Variants in PASD1 observed in about 807,000 individuals in gnomAD.
PASD1 encodes the protein circadian clock protein PASD1.
PASD1 carries 13 observed loss-of-function variants against 58.8 expected under a neutral mutation model. The ratio of observed to expected loss-of-function variants is 0.22; its 90% CI spans 0.14 to 0.35. The LOEUF (loss-of-function observed/expected upper bound fraction) is 0.35. PASD1 is among the 10% of genes least tolerant of loss of function. PASD1 has a pLI of 1.00. For synonymous variants in PASD1, 236 were observed against 216.7 expected (o/e 1.09, Z -0.78); for missense variants, 734 against 568.3 (o/e 1.29, Z -2.96).
chrX:151,624,392 T>C (rs2013757053), intron 7 of PASD1, among the ~76,000 whole-genome samples: 1 of 111,592 alleles, frequency 9.0e-6, no homozygotes, highest in African/African-American at 3.3e-5. Flanking sequence ...GTTAATATTG[T>C]GTTGATGTTA....
In PASD1 at chrX:151,653,751, C is replaced by CTTCTTTCTTTCT. The variant is rs1246137820; in HGVS notation, c.717+5089_717+5100dup. On this transcript the variant is annotated intron_variant, in intron 9 of 15. Transcript: ENST00000370357. ...TTCTCTCTCTCTCTTTCTTTCCTTC[C>CTTCTTTCTTTCT]TTCTTTCTTTCTTTCTTTCTTTCTT... 7.7e-3 allele frequency among the ~76,000 whole-genome samples: 131 copies of CTTCTTTCTTTCT among 16,930 alleles called. 2 individuals are homozygous for CTTCTTTCTTTCT. Among genetic ancestry groups the CTTCTTTCTTTCT allele is most frequent in the Non-Finnish European group, 0.013 (72 of 5,665 alleles). 14.7% of individuals were successfully genotyped at this position (16,930 alleles called of 115,157 possible).
chrX:151,568,489 ATAT>A (rs2124217500), intron 1 of PASD1, among the ~76,000 whole-genome samples: 1 of 112,150 alleles, frequency 8.9e-6, no homozygotes, highest in East Asian at 2.8e-4. Flanking sequence ...AAGGCACACG[ATAT>A]TATTCAATCA....
chrX:151,600,489 A>G (rs1264545742), intron 1 of PASD1, among the ~76,000 whole-genome samples: 1 of 110,922 alleles, frequency 9.0e-6, no homozygotes, highest in Non-Finnish European at 1.9e-5. Flanking sequence ...TTGATTCAGT[A>G]TGGTGGTGTC....
chrX:151,599,426 C>G (rs376823313), intron 1 of PASD1, among the ~76,000 whole-genome samples: 3 of 109,333 alleles, frequency 2.7e-5, no homozygotes, highest in Non-Finnish European at 3.8e-5. Context: ...ACCTCCCGGA[C>G]GGGGCGGCTG....
chrX:151,657,010 T>C (rs919709430), intron 9 of PASD1, among the ~76,000 whole-genome samples: 1 of 111,861 alleles, frequency 8.9e-6, no homozygotes, highest in African/African-American at 3.3e-5. Flanking sequence ...TAAATAGCTC[T>C]TATTATTTTG....
At chrX:151,675,886 A>C (rs2124323744) in intron 15 of PASD1, 111 bp from the exon 16 acceptor site, 1 of 834,393 alleles carries the variant, frequency 1.2e-6, no homozygotes, top group African/African-American at 2.0e-5. Context: ...TGTTCCAAAG[A>C]AGTATTTCTC....
At chrX:151,651,612 G>T (rs746073879) in intron 9 of PASD1, among the ~76,000 whole-genome samples, 4 of 112,141 alleles carry the variant, frequency 3.6e-5, no homozygotes, top group Non-Finnish European at 5.6e-5. Flanking sequence ...ACCTACTATG[G>T]TAGGCATTTA....
chrX:151,634,249 A>G (rs1288195576), intron 8 of PASD1, among the ~76,000 whole-genome samples: 1 of 110,325 alleles, frequency 9.1e-6, no homozygotes, highest in Non-Finnish European at 1.9e-5. Flanking sequence ...ACTTCTCCCC[A>G]TCTTTTCTTC....
intron 8 of PASD1, among the ~76,000 whole-genome samples, chrX:151,645,092 A>G (rs2124293113): frequency 8.9e-6 from 1 of 111,754 alleles, no homozygotes; most frequent in Admixed American, 9.6e-5. Context: ...TTTACATTTC[A>G]GACAGGGCAT....
intron 10 of PASD1, among the ~76,000 whole-genome samples, chrX:151,660,112 T>C (rs891892772): frequency 8.9e-6 from 1 of 112,252 alleles, no homozygotes; most frequent in Non-Finnish European, 1.9e-5. Context: ...GCGTTTTATC[T>C]TTTTATACTC....
chrX:151,600,218 A>G (rs1447040538), intron 1 of PASD1, among the ~76,000 whole-genome samples: 1 of 110,033 alleles, frequency 9.1e-6, no homozygotes, highest in Admixed American at 9.6e-5. Flanking sequence ...GTGGCAGTAC[A>G]GTCCAGCCTT....
At chrX:151,614,972 G>C (rs1001923441) in intron 4 of PASD1, among the ~76,000 whole-genome samples, 1 of 111,784 alleles carries the variant, frequency 8.9e-6, no homozygotes, top group Non-Finnish European at 1.9e-5. Flanking sequence ...AAATAGTAGA[G>C]ATATTTATTG....
At chrX:151,612,552 T>C (rs189407092) in intron 4 of PASD1, among the ~76,000 whole-genome samples, 1,854 of 111,402 alleles carry the variant, frequency 0.017, 40 homozygotes, top group African/African-American at 0.057. Context: ...TTGATTTGCA[T>C]TTCTCTGATG....
At chrX:151,638,251 A>G (rs2013955240) in intron 8 of PASD1, among the ~76,000 whole-genome samples, 1 of 108,931 alleles carries the variant, frequency 9.2e-6, no homozygotes, top group South Asian at 4.1e-4. Context: ...AAATGAGAAC[A>G]CTTGAACACA....
chrX:151,571,729 T>A (rs757016927), intron 1 of PASD1, among the ~76,000 whole-genome samples: 1 of 112,283 alleles, frequency 8.9e-6, no homozygotes, highest in East Asian at 2.8e-4. Flanking sequence ...TACTTTTCCA[T>A]GATTCAGTTT....
intron 4 of PASD1, 128 bp from the exon 5 acceptor site, chrX:151,620,802 G>A (rs1043027717): frequency 5.0e-6 from 2 of 400,829 alleles, no homozygotes; most frequent in African/African-American, 2.6e-5. Flanking sequence ...GCTGAGGTGG[G>A]GCAGAGCATA....
chrX:151,568,535 A>G (rs1012774387), intron 1 of PASD1, among the ~76,000 whole-genome samples: 43 of 112,254 alleles, frequency 3.8e-4, no homozygotes, highest in African/African-American at 1.4e-3. Context: ...TTAAAGCATA[A>G]ATTCATGAAT....
At chrX:151,593,476 T>G (rs1253277385) in intron 1 of PASD1, among the ~76,000 whole-genome samples, 1 of 104,234 alleles carries the variant, frequency 9.6e-6, no homozygotes, top group Non-Finnish European at 2.0e-5. Context: ...TTCCCACCTG[T>G]GAGTGAGAAC....
At chrX:151,566,130 G>A (rs1051744790) in intron 1 of PASD1, among the ~76,000 whole-genome samples, 1 of 112,435 alleles carries the variant, frequency 8.9e-6, no homozygotes, top group Non-Finnish European at 1.9e-5. Context: ...TTAGAGGCAC[G>A]TTTTGAGCTA....
Sources: allele counts gnomAD v4.1 joint callset (sites outside exome capture counted in the v4.1 genomes callset), GRCh38; gene constraint gnomAD v4.1.1; transcripts MANE v1.5; gene names NCBI Gene and HGNC (gene_info 2026-07-23, HGNC 2026-07-21).